Variants in NBEAL2 observed in about 807,000 individuals in gnomAD.
NBEAL2 encodes the protein neurobeachin like 2.
Under a neutral mutation model 299.8 loss-of-function variants are expected in NBEAL2, and 160 were observed. The observed-to-expected ratio is 0.53, with a 90% CI of 0.47 to 0.61. The LOEUF (loss-of-function observed/expected upper bound fraction) is 0.61, where lower values mean the gene tolerates loss of function less well. Among genes scored for constraint, NBEAL2 ranks in the 20% least tolerant of loss-of-function variants. The pLI is 0.00. For synonymous variants in NBEAL2, 1,493 were observed against 1,542.3 expected (o/e 0.97, Z 0.75); for missense variants, 3,112 against 3,649.0 (o/e 0.85, Z 3.79).
intron 10 of NBEAL2, among the ~76,000 whole-genome samples, chr3:46,992,800 T>C (rs2036205611): frequency 6.6e-6 from 1 of 152,112 alleles, no homozygotes; most frequent in African/African-American, 2.4e-5. Context: ...CCAAGCTGGA[T>C]GGAACCTTCG....
chr3:46,990,424 C>T (rs1200589206), intron 6 of NBEAL2, among the ~76,000 whole-genome samples: 1 of 152,244 alleles, frequency 6.6e-6, no homozygotes, highest in Non-Finnish European at 1.5e-5. Flanking sequence ...TCCACTTGCC[C>T]TGCTGCTCAG....
Position 46,995,947 on chromosome 3 carries a change from G to T in NBEAL2, c.2047G>T (p.Val683Phe), listed in dbSNP as rs72909834. The change falls in exon 15 of 54, where the codon GTC becomes TTC. Residue 683 changes from valine (V) to phenylalanine (F), a missense_variant. Physicochemically the swap from Val to Phe is conservative, Grantham distance 50. Coordinates refer to ENST00000450053, the MANE Select transcript of NBEAL2 (RefSeq NM_015175.3). ...ADSAWHCVAI[V>F]HVPGRRPFSQ... Reference sequence around the variant, plus strand: ...TCTGTTCTAGCACTGCGTGGCTATCGTCCATGTGCCTGGGCGCCGGCCCTT... The same window carrying T: ...TCTGTTCTAGCACTGCGTGGCTATCTTCCATGTGCCTGGGCGCCGGCCCTT... 1 of 1,613,356 alleles carries T rather than the reference G, an allele frequency of 6.2e-7. No homozygotes were observed. Among genetic ancestry groups the T allele is most frequent in the Non-Finnish European group, 8.5e-7 (1 of 1,179,770 alleles).
chr3:46,991,358 T>C lies in NBEAL2; in HGVS notation c.643-48T>C, dbSNP rs1308264957. ...GAGAGCAGCTCTTTCAGTATCTCTCTGCTGGGTGAGCCCCTTGCCCACTGC... is the reference window on the plus strand; with the variant it reads ...GAGAGCAGCTCTTTCAGTATCTCTCCGCTGGGTGAGCCCCTTGCCCACTGC... On this transcript the variant is annotated intron_variant, in intron 7 of 53. Coordinates refer to ENST00000450053, the MANE Select transcript of NBEAL2 (RefSeq NM_015175.3). The surrounding 1 kb of genome is among the most constrained non-coding windows in gnomAD (Gnocchi z 6.2). 4.4e-6 allele frequency: 7 copies of C among 1,584,234 alleles called. No individual in the cohort carries two copies. The African/African-American group carries it at 6.7e-5, about 15-fold the overall frequency.
rs2036047613 is a variant in NBEAL2 at position 46,991,093 on chromosome 3, C to G, written c.557-126C>G. 1 of 793,054 alleles carries G rather than the reference C, an allele frequency of 1.3e-6. No individual in the cohort carries two copies. The highest frequency in any genetic ancestry group is 2.1e-6 in the Non-Finnish European group (1 of 472,734). The allele number at this position is 793,054 out of a possible 1,614,324, so 49.1% of individuals were successfully genotyped here. A position where few individuals can be genotyped will look rare whatever the true frequency, so the allele number is the denominator to read the frequency against. On this transcript the variant is annotated intron_variant, in intron 6 of 53. Coordinates refer to ENST00000450053, the MANE Select transcript of NBEAL2 (RefSeq NM_015175.3). The surrounding 1 kb of genome is among the most constrained non-coding windows in gnomAD (Gnocchi z 6.2). ...GCAGAGCCAGCTCTTATCCCTCACA[C>G]TGGATCTTTTACTTGGCCCAGCTCC...
At chr3:46,983,311 C>CTTT (rs35275864) in intron 1 of NBEAL2, among the ~76,000 whole-genome samples, 23 of 131,138 alleles carry the variant, frequency 1.8e-4, no homozygotes, top group Non-Finnish European at 2.9e-4. Flanking sequence ...GGTCATATTC[C>CTTT]TTTTTTTTTT....
At position 47,009,232 on chromosome 3, in the gene NBEAL2, A is replaced by G; in HGVS notation, c.8177A>G (p.Gln2726Arg). The change falls in exon 54 of 54, where the codon CAG becomes CGG. Residue 2726 changes from glutamine to arginine, a missense_variant. Transcript: ENST00000450053. Reference protein sequence around the residue: ...AGQPSEVRSSQFARKLWRSSR... With the variant: ...AGQPSEVRSSRFARKLWRSSR... Reference sequence around the variant, plus strand: ...TACGCCCACCAGGTGCGCAGCAGCCAGTTCGCGCGGAAGCTGTGGCGGTCC... The same window carrying G: ...TACGCCCACCAGGTGCGCAGCAGCCGGTTCGCGCGGAAGCTGTGGCGGTCC... The G allele has an allele frequency of 1.9e-6, 3 of 1,598,648 alleles. No homozygotes were observed. Among genetic ancestry groups the G allele is most frequent in the Non-Finnish European group, 1.7e-6 (2 of 1,174,162 alleles).
chr3:47,001,891 G>A lies in NBEAL2; in HGVS notation c.4783-29G>A. 1 of 1,606,678 alleles carries A rather than the reference G, an allele frequency of 6.2e-7. No homozygotes were observed. The highest frequency in any genetic ancestry group is 8.5e-7 in the Non-Finnish European group (1 of 1,174,622). ...ATGTCGGGAGCTCCAAGAGTGGCTG[G>A]GTGCCACTCATCTCTCTTGCGCCCA... On this transcript the variant is annotated intron_variant, in intron 30 of 53. Coordinates refer to ENST00000450053, the MANE Select transcript of NBEAL2 (RefSeq NM_015175.3). The surrounding 1 kb of genome is among the most constrained non-coding windows in gnomAD (Gnocchi z 6.1).
At position 47,009,015 on chromosome 3, in the gene NBEAL2, C is replaced by T. The variant is rs1274689514; in HGVS notation, c.8054C>T (p.Pro2685Leu). The change falls in exon 53 of 54, where the codon CCC becomes CTC. Residue 2685 changes from proline (P) to leucine (L), a missense_variant. Pro to Leu is a moderately conservative substitution (Grantham distance 98). Transcript: ENST00000450053. ...NTLLPAAPPLPMKVAIRSVAV... is the reference protein window; with the variant it reads ...NTLLPAAPPLLMKVAIRSVAV... ...CTGCTCCCGGCCGCGCCTCCCTTGC[C>T]CATGAAGGTGGCCATCCGCAGCGTG... The T allele has an allele frequency of 2.5e-6, 4 of 1,600,496 alleles. No homozygotes were observed. The highest frequency in any genetic ancestry group is 1.7e-4 in the Middle Eastern group (1 of 6,058).
In NBEAL2 at chr3:47,000,792, C is replaced by T. The variant is rs944313652; in HGVS notation, c.4306-209C>T. Among the ~76,000 whole-genome samples the T allele has an allele frequency of 2.0e-5, 3 of 152,158 alleles. No individual in the cohort carries two copies. The highest frequency in any genetic ancestry group is 7.2e-5 in the African/African-American group (3 of 41,432). ...TCTCCTCTTGGGAGTCTGGCAAGAC[C>T]CCAGGATTCTGCCTGGAACTCAGGT... On this transcript the variant is annotated intron_variant, in intron 27 of 53. Transcript: ENST00000450053. This position sits in a 1 kb window ranked among gnomAD's most constrained non-coding sequence, Gnocchi z 4.5.
chr3:47,002,452 T>C lies in NBEAL2; in HGVS notation c.5233T>C (p.Tyr1745His). 6.2e-7 allele frequency: 1 copy of C among 1,613,326 alleles called. No homozygotes were observed. Among genetic ancestry groups the C allele is most frequent in the Admixed American group, 1.7e-5 (1 of 60,030 alleles). The change falls in exon 32 of 54, where the codon TAT becomes CAT. Residue 1745 changes from tyrosine to histidine, a missense_variant. By Grantham distance (83) the Tyr-to-His change is moderately conservative (BLOSUM62 2). This residue lies in a region of NBEAL2 where 2,243 missense variants were observed against 2,538.1 expected (regional missense o/e 0.88). Coordinates refer to ENST00000450053, the MANE Select transcript of NBEAL2 (RefSeq NM_015175.3). Reference protein sequence around the residue: ...DLMSGFWNACYDMLMSSGQRR... With the variant: ...DLMSGFWNACHDMLMSSGQRR... The stretch of plus-strand genomic sequence containing the variant: ...TATGTCAGGTTTCTGGAATGCCTGC[T>C]ATGACATGCTTATGAGCAGTGGGCA...
intron 1 of NBEAL2, chr3:46,987,897 C>G: frequency 2.1e-6 from 2 of 951,022 alleles, no homozygotes; most frequent in South Asian, 3.1e-5. Flanking sequence ...CCCCACATCC[C>G]TGCGGTCTGC....
intron 18 of NBEAL2, 51 bp downstream of exon 18, chr3:46,997,097 CAT>C (rs1210393658): frequency 2.5e-6 from 4 of 1,572,814 alleles, no homozygotes; most frequent in African/African-American, 1.4e-5. Context: ...ATATGGGGCA[CAT>C]GTGTGTTCGG....
At position 46,991,974 on chromosome 3, in the gene NBEAL2, G is replaced by T; in HGVS notation, c.1032+28G>T. 1 of 1,561,306 alleles carries T rather than the reference G, an allele frequency of 6.4e-7. No individual in the cohort carries two copies. The highest frequency in any genetic ancestry group is 1.2e-5 in the South Asian group (1 of 85,352). Reference sequence around the variant, plus strand: ...GGGTAGGGCCCAGCCTGGGGGTGAGGGTCTGGAAGCCAGAGGCTAGGGGAG... The same window carrying T: ...GGGTAGGGCCCAGCCTGGGGGTGAGTGTCTGGAAGCCAGAGGCTAGGGGAG... On this transcript the variant is annotated intron_variant, in intron 9 of 53. Coordinates refer to ENST00000450053, the MANE Select transcript of NBEAL2 (RefSeq NM_015175.3). This position sits in a 1 kb window ranked among gnomAD's most constrained non-coding sequence, Gnocchi z 6.2.
chr3:47,008,477 C>A (rs1459590140), intron 51 of NBEAL2, 36 bp downstream of exon 51: 1 of 1,609,870 alleles, frequency 6.2e-7, no homozygotes, highest in Non-Finnish European at 8.5e-7. Context: ...GATGGAGGGG[C>A]AGTTGGGATC....
chr3:47,004,476 T>G lies in NBEAL2; in HGVS notation c.6199-19T>G. ...TGGACAGCCCACCTGGCTCACATCT[T>G]GTCTGCCCCTGTCCCCAGAAATGGG... On this transcript the variant is annotated intron_variant, in intron 37 of 53. Coordinates refer to ENST00000450053, the MANE Select transcript of NBEAL2 (RefSeq NM_015175.3). This position sits in a 1 kb window ranked among gnomAD's most constrained non-coding sequence, Gnocchi z 5.0. The G allele has an allele frequency of 1.2e-6, 2 of 1,612,076 alleles. No individual in the cohort carries two copies. Among genetic ancestry groups the G allele is most frequent in the South Asian group, 2.2e-5 (2 of 91,000 alleles).
chr3:46,991,044 A>G lies in NBEAL2; in HGVS notation c.557-175A>G, dbSNP rs567849645. On this transcript the variant is annotated intron_variant, in intron 6 of 53. Coordinates refer to ENST00000450053, the MANE Select transcript of NBEAL2 (RefSeq NM_015175.3). The surrounding 1 kb of genome is among the most constrained non-coding windows in gnomAD (Gnocchi z 6.2). ...CTTTCAGGCCCTCTACTATACAGCC[A>G]TAACTCCTTAGATGCCCCCCAGGGC... 6.6e-6 allele frequency among the ~76,000 whole-genome samples: 1 copy of G among 152,084 alleles called. No individual in the cohort carries two copies. Among genetic ancestry groups the G allele is most frequent in the South Asian group, 2.1e-4 (1 of 4,826 alleles).
chr3:46,994,606 G>T, intron 12 of NBEAL2, 53 bp downstream of exon 12: 2 of 1,456,920 alleles, frequency 1.4e-6, no homozygotes, highest in African/African-American at 2.8e-5. Context: ...AACTGAGTCA[G>T]GGTTACCACA....
Position 47,002,698 on chromosome 3 carries a change from C to T in NBEAL2, c.5355C>T (p.Tyr1785=), listed in dbSNP as rs2037115278. Residue 1785 remains tyrosine, a synonymous_variant, in exon 33 of 54, where the codon TAC becomes TAT. Transcript: ENST00000450053. ...QRRARLEGLR[Y]TAVLKQQATQ... is the part of the protein sequence containing the mutation. Reference sequence around the variant, plus strand: ...GGGCGCGCCTGGAGGGGCTACGCTACACGGCAGTGCTGAAGCAGCAGGCAA... The same window carrying T: ...GGGCGCGCCTGGAGGGGCTACGCTATACGGCAGTGCTGAAGCAGCAGGCAA... 2 of 1,602,980 alleles carry T rather than the reference C, an allele frequency of 1.2e-6. No individual in the cohort carries two copies. The highest frequency in any genetic ancestry group is 2.7e-5 in the African/African-American group (2 of 74,998).
At chr3:46,987,892 C>T in intron 1 of NBEAL2, 3 of 661,484 alleles carry the variant, frequency 4.5e-6, no homozygotes, top group Non-Finnish European at 5.6e-6. Flanking sequence ...GGCCCCCCCA[C>T]ATCCCTGCGG....
Sources: allele counts gnomAD v4.1 joint callset (sites outside exome capture counted in the v4.1 genomes callset), GRCh38; gene constraint gnomAD v4.1.1; regional missense constraint gnomAD v4.1.1; non-coding constraint Gnocchi (gnomAD v3.1); transcripts MANE v1.5; gene names NCBI Gene and HGNC (gene_info 2026-07-23, HGNC 2026-07-21).